MAST4: variants seen among roughly 807,000 people sequenced by gnomAD.
The protein encoded by MAST4 is microtubule-associated serine/threonine-protein kinase 4.
In MAST4, 89 loss-of-function variants were observed where a neutral mutation model predicts 162.7. That is an observed-to-expected ratio of 0.55 (90% CI 0.46 to 0.65). MAST4 has a LOEUF of 0.65. Among genes scored for constraint, MAST4 ranks in the 30% least tolerant of loss-of-function variants. The pLI, the probability that MAST4 is intolerant of heterozygous loss-of-function variation, is 0.00. For missense variants in MAST4, 3,153 were observed against 3,374.0 expected (o/e 0.93, Z 1.62); for synonymous variants, 1,479 against 1,361.1 (o/e 1.09, Z -1.91).
intron 1 of MAST4, among the ~76,000 whole-genome samples, chr5:66,632,879 T>C (rs918083735): frequency 6.6e-6 from 1 of 152,172 alleles, no homozygotes. Context: ...ATAAATAGAA[T>C]GATAAATCTA....
chr5:66,895,704 T>C (rs1762641759), intron 3 of MAST4, among the ~76,000 whole-genome samples: 1 of 152,152 alleles, frequency 6.6e-6, no homozygotes, highest in South Asian at 2.1e-4. Context: ...TTTCTATAGC[T>C]TCCTAAAAAA....
At chr5:66,964,037 T>C (rs1188498749) in intron 4 of MAST4, 1 of 647,322 alleles carries the variant, frequency 1.5e-6, no homozygotes, top group African/African-American at 1.8e-5. Context: ...TTTGCTTTCT[T>C]AGGGAATGAT....
intron 26 of MAST4, among the ~76,000 whole-genome samples, chr5:67,157,560 A>G (rs908333786): frequency 6.6e-6 from 1 of 152,202 alleles, no homozygotes; most frequent in East Asian, 1.9e-4. Context: ...CCACGTGTCA[A>G]TCAAGTGCCT....
chr5:66,669,787 G>T (rs1469190898), intron 1 of MAST4, among the ~76,000 whole-genome samples: 5 of 152,188 alleles, frequency 3.3e-5, no homozygotes, highest in African/African-American at 1.2e-4. Flanking sequence ...AGTGAGGGTG[G>T]GGGTGTGGAG....
chr5:66,957,971 C>G (rs1044546915), intron 4 of MAST4, among the ~76,000 whole-genome samples: 3 of 152,172 alleles, frequency 2.0e-5, no homozygotes, highest in Non-Finnish European at 4.4e-5. Context: ...ATTTACAGAC[C>G]AGGATCTAAT....
chr5:66,847,082 A>C (rs909732403), intron 3 of MAST4, among the ~76,000 whole-genome samples: 1 of 152,174 alleles, frequency 6.6e-6, no homozygotes, highest in African/African-American at 2.4e-5. Flanking sequence ...ACTGAGAGCT[A>C]TATTGAGTGT....
At chr5:66,951,439 A>G (rs548391147) in intron 4 of MAST4, among the ~76,000 whole-genome samples, 159 of 152,262 alleles carry the variant, frequency 1.0e-3, no homozygotes, top group African/African-American at 3.8e-3. Flanking sequence ...ATGGGAAATC[A>G]TGATTACACT....
At chr5:66,698,915 C>A (rs1261535066) in intron 1 of MAST4, among the ~76,000 whole-genome samples, 3 of 152,232 alleles carry the variant, frequency 2.0e-5, no homozygotes, top group Non-Finnish European at 2.9e-5. Flanking sequence ...CACTTGAACT[C>A]TTGTACTTCC....
chr5:67,058,470 A>T (rs1759135409), intron 5 of MAST4, among the ~76,000 whole-genome samples: 1 of 152,236 alleles, frequency 6.6e-6, no homozygotes, highest in African/African-American at 2.4e-5. Flanking sequence ...TTATAAGTAT[A>T]GCATGGCTTT....
chr5:66,815,642 T>C (rs921326430), intron 3 of MAST4, among the ~76,000 whole-genome samples: 1 of 152,232 alleles, frequency 6.6e-6, no homozygotes, highest in East Asian at 1.9e-4. Context: ...TGGTAAAGCA[T>C]TCAGATTTTA....
chr5:66,995,774 G>T (rs1316423032), intron 4 of MAST4, among the ~76,000 whole-genome samples: 1 of 152,000 alleles, frequency 6.6e-6, no homozygotes, highest in African/African-American at 2.4e-5. Flanking sequence ...ACTTTGGGAG[G>T]CTGAGACAGG....
intron 14 of MAST4, 118 bp downstream of exon 14, chr5:67,121,220 C>A: frequency 1.3e-6 from 1 of 742,252 alleles, no homozygotes; most frequent in South Asian, 1.9e-5. Flanking sequence ...TTTCAGATCA[C>A]TGCTCCTTTC....
rs549278079 is a variant in MAST4, at chr5:67,146,451, C to T, written c.3094+1072C>T. Among the ~76,000 whole-genome samples, 3 of 152,130 alleles carry T rather than the reference C, an allele frequency of 2.0e-5. No homozygotes were observed. The South Asian group carries it at 6.2e-4, about 32-fold the overall frequency. ...TAGAGTATGTGCATTTATGCTTTTT[C>T]AAAAAATGAGAGATGTATATGGCTT... On this transcript the variant is annotated intron_variant, in intron 23 of 28. Coordinates refer to ENST00000403625, the MANE Select transcript of MAST4 (RefSeq NM_001164664.2).
Position 66,828,794 on chromosome 5 carries a change from TACAGCATGGCTAG to T in MAST4, c.642+40003_642+40015del. On this transcript the variant is annotated intron_variant, in intron 3 of 28. Transcript: ENST00000403625. The stretch of plus-strand genomic sequence containing the variant: ...AATTAGCGTGCTGAAGTAGAGGTAG[TACAGCATGGCTAG>T]ACTGTTGTGAGAGGCTCAGAGAAAG... The T allele has an allele frequency of 1.9e-6, 3 of 1,591,484 alleles. 1 individual carries two copies. The South Asian group carries it at 3.4e-5, about 18-fold the overall frequency.
intron 4 of MAST4, among the ~76,000 whole-genome samples, chr5:66,942,406 G>A (rs1300126653): frequency 6.6e-6 from 1 of 152,092 alleles, no homozygotes; most frequent in Non-Finnish European, 1.5e-5. Context: ...AAAGCTGTTG[G>A]GGAATCCCAG....
intron 2 of MAST4, among the ~76,000 whole-genome samples, chr5:66,782,671 A>G (rs1330946626): frequency 1.3e-5 from 2 of 152,240 alleles, no homozygotes; most frequent in Non-Finnish European, 2.9e-5. Flanking sequence ...ACATTTTTCC[A>G]AAGAACACAG....
At chr5:66,843,637 A>G (rs1473321797) in intron 3 of MAST4, among the ~76,000 whole-genome samples, 2 of 152,156 alleles carry the variant, frequency 1.3e-5, no homozygotes, top group African/African-American at 4.8e-5. Context: ...GTTAAGCCTT[A>G]TGTCCCCATA....
At chr5:66,961,440 A>C (rs926165537) in intron 4 of MAST4, among the ~76,000 whole-genome samples, 1 of 152,212 alleles carries the variant, frequency 6.6e-6, no homozygotes, top group African/African-American at 2.4e-5. Context: ...CTGTAGATGC[A>C]ATCTAGAATT....
chr5:66,698,885 C>T (rs1749582145), intron 1 of MAST4, among the ~76,000 whole-genome samples: 1 of 152,232 alleles, frequency 6.6e-6, no homozygotes, highest in Non-Finnish European at 1.5e-5. Context: ...CATAACCCTT[C>T]TGTGGGACAC....
Sources: gnomAD v4.1 joint callset for allele counts (sites outside exome capture counted in the v4.1 genomes callset) on GRCh38, gnomAD v4.1.1 for gene constraint, MANE v1.5 for transcripts, NCBI Gene and HGNC (gene_info 2026-07-23, HGNC 2026-07-21) for gene names.